PLXNC1: variants seen among roughly 807,000 people sequenced by gnomAD.
PLXNC1 encodes plexin C1.
A neutral mutation model predicts 178.2 loss-of-function variants in PLXNC1; 75 were observed. That is an observed-to-expected ratio of 0.42 (90% confidence interval 0.35 to 0.51). The LOEUF (loss-of-function observed/expected upper bound fraction) is 0.51, where lower values mean the gene tolerates loss of function less well. Among genes scored for constraint, PLXNC1 ranks in the 20% least tolerant of loss-of-function variants. The probability of loss-of-function intolerance (pLI) is 0.02; values close to 1 mark genes in which losing one functional copy is unlikely to be tolerated. For synonymous variants in PLXNC1, 790 were observed against 779.9 expected (o/e 1.01, Z -0.22); for missense variants, 1,503 against 1,984.4 (o/e 0.76, Z 4.61).
intron 21 of PLXNC1, among the ~76,000 whole-genome samples, chr12:94,271,580 C>T (rs1679355602): frequency 6.6e-6 from 1 of 152,228 alleles, no homozygotes. Context: ...TGGGCTCAGC[C>T]ACTTTACTCT....
intron 21 of PLXNC1, chr12:94,278,235 A>C: frequency 2.8e-6 from 1 of 358,018 alleles, no homozygotes; most frequent in South Asian, 2.1e-5. Context: ...TGTGCATTTC[A>C]CACCATACCC....
At chr12:94,171,440 C>T (rs1419127453) in intron 2 of PLXNC1, among the ~76,000 whole-genome samples, 1 of 152,218 alleles carries the variant, frequency 6.6e-6, no homozygotes, top group Non-Finnish European at 1.5e-5. Context: ...ATTCAGTCCT[C>T]TCCATGACAC....
At chr12:94,291,462 A>T (rs1182233990) in intron 23 of PLXNC1, among the ~76,000 whole-genome samples, 2 of 152,128 alleles carry the variant, frequency 1.3e-5, no homozygotes, top group Non-Finnish European at 2.9e-5. Context: ...AACTCCTAGG[A>T]TCAAGCAATC....
intron 3 of PLXNC1, 142 bp from the exon 4 acceptor site, chr12:94,186,231 G>A: frequency 1.6e-6 from 1 of 612,166 alleles, no homozygotes; most frequent in South Asian, 1.8e-5. Flanking sequence ...TAGATCTTGA[G>A]ACCCACTGCC....
intron 1 of PLXNC1, among the ~76,000 whole-genome samples, chr12:94,166,511 T>C (rs987862994): frequency 1.4e-5 from 2 of 147,904 alleles, no homozygotes; most frequent in African/African-American, 5.0e-5. Context: ...TAAGTATTAG[T>C]ACATGTTAGC....
Position 94,149,229 on chromosome 12 carries a change from C to G in PLXNC1, c.258C>G (p.Asn86Lys), listed in dbSNP as rs565894823. Reference sequence around the variant, plus strand: ...GCCTGTACCGGGACCAAGCGGGCAACTGCACAGAGCCGGTCTCGCTGGCGC... The same window carrying G: ...GCCTGTACCGGGACCAAGCGGGCAAGTGCACAGAGCCGGTCTCGCTGGCGC... ...LSRLYRDQAG[N>K]CTEPVSLAPP... Residue 86 changes from asparagine to lysine, a missense_variant, in exon 1 of 31, where the codon AAC becomes AAG. Physicochemically the swap from Asn to Lys is moderately conservative, Grantham distance 94 (BLOSUM62 0). This residue lies in a region of PLXNC1 where 176 missense variants were observed against 180.7 expected (regional missense o/e 0.97). Transcript: ENST00000258526. The G allele has an allele frequency of 7.6e-6, 12 of 1,574,714 alleles. No individual in the cohort carries two copies. The African/African-American group carries it at 1.4e-4, about 18-fold the overall frequency.
chr12:94,169,881 C>T (rs1961775372), intron 2 of PLXNC1, among the ~76,000 whole-genome samples: 1 of 152,160 alleles, frequency 6.6e-6, no homozygotes, highest in South Asian at 2.1e-4. Context: ...TGTGTGGACA[C>T]ACCCCGGTCA....
intron 1 of PLXNC1, among the ~76,000 whole-genome samples, chr12:94,160,833 GT>G (rs144545648): frequency 6.6e-6 from 1 of 152,144 alleles, no homozygotes; most frequent in Non-Finnish European, 1.5e-5. Context: ...CTATCAAAAT[GT>G]TTTTTCAATT....
chr12:94,149,016 C>G lies in PLXNC1; in HGVS notation c.45C>G (p.Pro15=), dbSNP rs1329925948. The G allele has an allele frequency of 2.0e-6, 3 of 1,480,138 alleles. No individual in the cohort carries two copies. The highest frequency in any genetic ancestry group is 4.7e-5 in the Admixed American group (2 of 42,636). The allele number at this position is 1,480,138 out of a possible 1,614,324, so 91.7% of individuals were successfully genotyped here. ...RRKAPPRPPR[P]AAPLPLLAYL... The stretch of plus-strand genomic sequence containing the variant: ...AGGCGCCGCCGCGCCCCCCGCGCCC[C>G]GCAGCGCCACTGCCCCTGCTCGCCT... Residue 15 remains proline (P), a synonymous_variant, in exon 1 of 31, where the codon CCC becomes CCG. Transcript: ENST00000258526.
At chr12:94,251,071 T>C (rs1282222875) in intron 14 of PLXNC1, among the ~76,000 whole-genome samples, 2 of 127,196 alleles carry the variant, frequency 1.6e-5, no homozygotes, top group Non-Finnish European at 3.5e-5. Flanking sequence ...AAATTGAGTT[T>C]CTTCCTTAGA....
intron 5 of PLXNC1, among the ~76,000 whole-genome samples, chr12:94,217,307 C>T (rs1366063399): frequency 6.6e-6 from 1 of 152,204 alleles, no homozygotes. Flanking sequence ...CTGGTCCCTT[C>T]CCTCCCTGTC....
chr12:94,171,669 A>C (rs923348146), intron 2 of PLXNC1, among the ~76,000 whole-genome samples: 1 of 152,208 alleles, frequency 6.6e-6, no homozygotes, highest in African/African-American at 2.4e-5. Flanking sequence ...CATGGGAGAC[A>C]TGCAGATAGG....
chr12:94,189,265 G>A (rs991991603), intron 4 of PLXNC1, among the ~76,000 whole-genome samples: 7 of 152,212 alleles, frequency 4.6e-5, no homozygotes, highest in African/African-American at 9.6e-5. Context: ...TGATGATATC[G>A]ATATGGATGT....
chr12:94,272,818 C>T (rs1965660788), intron 21 of PLXNC1, among the ~76,000 whole-genome samples: 2 of 152,194 alleles, frequency 1.3e-5, no homozygotes, highest in Non-Finnish European at 2.9e-5. Flanking sequence ...ACAGGGTGCT[C>T]CAGATTCAGT....
chr12:94,294,397 TAA>T, intron 23 of PLXNC1, 87 bp from the exon 24 acceptor site: 1 of 643,152 alleles, frequency 1.6e-6, no homozygotes. Context: ...TGACAGCATG[TAA>T]GATCCATCCA....
intron 23 of PLXNC1, among the ~76,000 whole-genome samples, chr12:94,283,361 A>G (rs1050096673): frequency 1.3e-5 from 2 of 151,904 alleles, no homozygotes; most frequent in African/African-American, 4.9e-5. Flanking sequence ...TGAGAGGGGC[A>G]ATGGAGAGGG....
At chr12:94,227,706 T>C (rs1414099793) in intron 9 of PLXNC1, among the ~76,000 whole-genome samples, 1 of 152,228 alleles carries the variant, frequency 6.6e-6, no homozygotes, top group Non-Finnish European at 1.5e-5. Context: ...AGAATTGTTA[T>C]AGAATGTGTA....
At position 94,149,973 on chromosome 12, in the gene PLXNC1, T is replaced by A. The variant is rs776791893; in HGVS notation, c.1002T>A (p.Ser334Arg). 2 of 1,594,338 alleles carry A rather than the reference T, an allele frequency of 1.3e-6. No homozygotes were observed. Among genetic ancestry groups the A allele is most frequent in the East Asian group, 4.6e-5 (2 of 43,948 alleles). The stretch of plus-strand genomic sequence containing the variant: ...CGGCGCTCTGCCTCTTCAGAATGAG[T>A]GAGATCCAGGCGCGCGCCAAGAGGG... ...TTTALCLFRM[S>R]EIQARAKRVS... Residue 334 changes from serine (S) to arginine (R), a missense_variant, in exon 1 of 31, where the codon AGT (serine) becomes AGA (arginine). This residue lies in a region of PLXNC1 where 615 missense variants were observed against 698.6 expected (regional missense o/e 0.88). Coordinates refer to ENST00000258526, the MANE Select transcript of PLXNC1 (RefSeq NM_005761.3).
In PLXNC1 at chr12:94,240,538, C is replaced by T; in HGVS notation, c.2174C>T (p.Ser725Leu). The change falls in exon 11 of 31, where the codon TCA (serine) becomes TTA (leucine). Residue 725 changes from serine (S) to leucine (L), a missense_variant. Coordinates refer to ENST00000258526, the MANE Select transcript of PLXNC1 (RefSeq NM_005761.3). Reference protein sequence around the residue: ...NDTHMKFSLPSSRKEMKDVCI... With the variant: ...NDTHMKFSLPLSRKEMKDVCI... ...ACCCACATGAAATTCTCTCTTCCAT[C>T]AAGCCGGAAAGAAATGAAGGATGTG... is the stretch of plus-strand genomic sequence containing the variant. 1 of 1,614,104 alleles carries T rather than the reference C, an allele frequency of 6.2e-7. No individual in the cohort carries two copies. The highest frequency in any genetic ancestry group is 1.1e-5 in the South Asian group (1 of 91,082).
Sources: gnomAD v4.1 joint callset for allele counts (sites outside exome capture counted in the v4.1 genomes callset) on GRCh38, gnomAD v4.1.1 for gene constraint, gnomAD v4.1.1 regional missense constraint, MANE v1.5 for transcripts, NCBI Gene and HGNC (gene_info 2026-07-23, HGNC 2026-07-21) for gene names.